The following DLG1 variants were observed in gnomAD, a reference collection of about 807,000 sequenced individuals.
The protein encoded by DLG1 is disks large homolog 1.
Under a neutral mutation model 123.4 loss-of-function variants are expected in DLG1, and 42 were observed. The observed-to-expected ratio is 0.34, with a 90% CI of 0.27 to 0.44. The LOEUF is 0.44. Among genes scored for constraint, DLG1 ranks in the 20% least tolerant of loss-of-function variants. The pLI is 1.00. For missense variants in DLG1, 942 were observed against 1,082.6 expected, an observed-to-expected ratio of 0.87 and a Z score of 1.82; for synonymous variants, 317 against 356.2, an observed-to-expected ratio of 0.89 and a Z score of 1.24.
intron 23 of DLG1, among the ~76,000 whole-genome samples, chr3:197,054,086 A>G (rs143002194): frequency 1.2e-4 from 18 of 152,276 alleles, no homozygotes; most frequent in African/African-American, 4.1e-4. Context: ...ACAAAGCGAG[A>G]CCTTGTCTCA....
chr3:197,066,667 TC>T (rs745795257), intron 20 of DLG1, 36 bp downstream of exon 20: 1 of 1,499,192 alleles, frequency 6.7e-7, no homozygotes, highest in Non-Finnish European at 9.2e-7. Context: ...AGTATATTCT[TC>T]TAGAAGGTTA....
At chr3:197,083,972 C>T (rs1470870424) in intron 16 of DLG1, among the ~76,000 whole-genome samples, 2 of 151,868 alleles carry the variant, frequency 1.3e-5, no homozygotes, top group African/African-American at 4.8e-5. Context: ...GACCTTGTCT[C>T]TTAAAAAAAT....
At chr3:197,198,316 C>T (rs981701057) in intron 4 of DLG1, among the ~76,000 whole-genome samples, 1 of 151,824 alleles carries the variant, frequency 6.6e-6, no homozygotes, top group Admixed American at 6.6e-5. Flanking sequence ...AGTCAAACCC[C>T]GTCTCTACTC....
chr3:197,258,026 G>A (rs1178113751), intron 4 of DLG1, among the ~76,000 whole-genome samples: 1 of 152,112 alleles, frequency 6.6e-6, no homozygotes, highest in East Asian at 1.9e-4. Context: ...ACAAAATACT[G>A]TAACCAAGCT....
intron 4 of DLG1, among the ~76,000 whole-genome samples, chr3:197,254,456 G>T (rs1755906885): frequency 6.6e-6 from 1 of 152,200 alleles, no homozygotes; most frequent in Admixed American, 6.5e-5. Context: ...GAAAAGGAAA[G>T]AACACTGCTT....
chr3:197,109,201 T>TA (rs1429475755), intron 13 of DLG1, among the ~76,000 whole-genome samples: 4 of 152,010 alleles, frequency 2.6e-5, no homozygotes, highest in Non-Finnish European at 5.9e-5. Flanking sequence ...CCCTTATCTC[T>TA]AAAAAAATAA....
At chr3:197,120,739 G>A (rs1308006484) in intron 11 of DLG1, among the ~76,000 whole-genome samples, 1 of 152,150 alleles carries the variant, frequency 6.6e-6, no homozygotes, top group Non-Finnish European at 1.5e-5. Flanking sequence ...AACAGGAAAT[G>A]ACTGAAACGA....
chr3:197,273,867 C>CAAAAAAAAAAAAAA (rs1373412270), intron 4 of DLG1, among the ~76,000 whole-genome samples: 26 of 43,482 alleles, frequency 6.0e-4, no homozygotes, highest in African/African-American at 1.3e-3. Flanking sequence ...AAAAAAAAAC[C>CAAAAAAAAAAAAAA]AAAACAAACC....
intron 5 of DLG1, among the ~76,000 whole-genome samples, chr3:197,165,478 G>C (rs970505909): frequency 1.3e-5 from 2 of 152,162 alleles, no homozygotes; most frequent in African/African-American, 4.8e-5. Flanking sequence ...TAATGCCACT[G>C]AATTGTACAT....
At chr3:197,264,717 G>A (rs1358427859) in intron 4 of DLG1, among the ~76,000 whole-genome samples, 1 of 152,110 alleles carries the variant, frequency 6.6e-6, no homozygotes, top group Admixed American at 6.6e-5. Flanking sequence ...GTGAGCCACT[G>A]TGCCTAGCCA....
At chr3:197,076,742 G>A in intron 17 of DLG1, 57 bp from the exon 18 acceptor site, 1 of 1,353,124 alleles carries the variant, frequency 7.4e-7, no homozygotes, top group Non-Finnish European at 1.1e-6. Flanking sequence ...TGTGTACAAA[G>A]GCCCAGCCTA....
chr3:197,192,218 T>C (rs1382320034), intron 5 of DLG1, among the ~76,000 whole-genome samples: 1 of 152,074 alleles, frequency 6.6e-6, no homozygotes, highest in Non-Finnish European at 1.5e-5. Context: ...TAGTCTCTAA[T>C]GTTTAAGAAT....
At chr3:197,143,899 C>T (rs545631953) in intron 6 of DLG1, among the ~76,000 whole-genome samples, 1 of 152,274 alleles carries the variant, frequency 6.6e-6, no homozygotes, top group East Asian at 1.9e-4. Flanking sequence ...ATTTCCTAGT[C>T]TCTCCTGAAA....
At chr3:197,128,988 C>G (rs569832065) in intron 11 of DLG1, among the ~76,000 whole-genome samples, 156 of 152,302 alleles carry the variant, frequency 1.0e-3, no homozygotes, top group African/African-American at 3.5e-3. Context: ...AACAGGCAGA[C>G]AGGCTTAGCA....
At chr3:197,252,459 A>T (rs1754912529) in intron 4 of DLG1, among the ~76,000 whole-genome samples, 1 of 152,200 alleles carries the variant, frequency 6.6e-6, no homozygotes, top group Non-Finnish European at 1.5e-5. Flanking sequence ...TGAGGACATG[A>T]TGCTGAGTGA....
chr3:197,297,421 G>C, intron 1 of DLG1, 186 bp from the exon 2 acceptor site: 1 of 1,413,346 alleles, frequency 7.1e-7, no homozygotes, highest in Non-Finnish European at 9.2e-7. Context: ...CTTGGAGTGG[G>C]TACCCCTCCA....
chr3:197,167,931 T>C (rs1158753350), intron 5 of DLG1, among the ~76,000 whole-genome samples: 1 of 152,240 alleles, frequency 6.6e-6, no homozygotes, highest in Non-Finnish European at 1.5e-5. Flanking sequence ...TGTTTTCTTA[T>C]TAACAGTCTC....
chr3:197,122,403 ATATT>A (rs1237499678), intron 11 of DLG1, among the ~76,000 whole-genome samples: 3 of 152,092 alleles, frequency 2.0e-5, no homozygotes, highest in African/African-American at 7.2e-5. Context: ...CATGACAGTG[ATATT>A]TATTATCACC....
At chr3:197,065,186 A>T (rs542027411) in intron 22 of DLG1, 90 bp downstream of exon 22, 397 of 1,210,866 alleles carry the variant, frequency 3.3e-4, no homozygotes, top group Non-Finnish European at 4.2e-4. Flanking sequence ...TAACAAAACT[A>T]ATTAGTGCTG....
Sources: allele counts gnomAD v4.1 joint callset (sites outside exome capture counted in the v4.1 genomes callset), GRCh38; gene constraint gnomAD v4.1.1; transcripts MANE v1.5; gene names NCBI Gene and HGNC (gene_info 2026-07-23, HGNC 2026-07-21).